ARHGAP6: variants seen among roughly 807,000 people sequenced by gnomAD.
ARHGAP6 encodes the protein Rho GTPase activating protein 6.
A neutral mutation model predicts 55.7 loss-of-function variants in ARHGAP6; 16 were observed. The ratio of observed to expected loss-of-function variants is 0.29; its 90% CI spans 0.19 to 0.44. ARHGAP6 has a LOEUF of 0.44. Ranked by LOEUF, ARHGAP6 falls within the 20% of genes least tolerant of loss-of-function variation. The pLI, the probability that ARHGAP6 is intolerant of heterozygous loss-of-function variation, is 1.00. For missense variants in ARHGAP6, 698 were observed against 808.9 expected (o/e 0.86, Z 1.66); for synonymous variants, 382 against 360.9 (o/e 1.06, Z -0.66).
chrX:11,145,727 T>C (rs897519532), intron 10 of ARHGAP6, among the ~76,000 whole-genome samples: 4 of 112,226 alleles, frequency 3.6e-5, no homozygotes, highest in African/African-American at 9.7e-5. Flanking sequence ...AAAATGAACA[T>C]GTGATGCCCC....
intron 11 of ARHGAP6, chrX:11,142,949 T>G (rs1174076088): frequency 8.9e-6 from 1 of 112,249 alleles, no homozygotes; most frequent in Non-Finnish European, 1.9e-5. Flanking sequence ...CTAAACACAT[T>G]AACACAGAAC....
chrX:11,419,646 C>T (rs1603196107), intron 1 of ARHGAP6, among the ~76,000 whole-genome samples: 1 of 111,957 alleles, frequency 8.9e-6, no homozygotes, highest in Non-Finnish European at 1.9e-5. Flanking sequence ...GGATTTGTGC[C>T]CATGTGGAGA....
chrX:11,487,927 G>T (rs1461373324), intron 1 of ARHGAP6, among the ~76,000 whole-genome samples: 1 of 112,383 alleles, frequency 8.9e-6, no homozygotes, highest in Non-Finnish European at 1.9e-5. Flanking sequence ...TAAAACTAGT[G>T]AGTGAAAGTT....
intron 1 of ARHGAP6, among the ~76,000 whole-genome samples, chrX:11,501,245 A>C (rs1213421897): frequency 9.0e-6 from 1 of 111,583 alleles, no homozygotes; most frequent in Non-Finnish European, 1.9e-5. Flanking sequence ...CACACCAGGA[A>C]ATTGAGACCA....
intron 1 of ARHGAP6, among the ~76,000 whole-genome samples, chrX:11,525,337 T>A (rs1387376514): frequency 1.8e-5 from 2 of 112,145 alleles, no homozygotes; most frequent in Non-Finnish European, 3.8e-5. Context: ...ATGCATGATC[T>A]CTTTCCAGGG....
intron 1 of ARHGAP6, among the ~76,000 whole-genome samples, chrX:11,303,366 C>A (rs886579530): frequency 1.8e-5 from 2 of 112,264 alleles, no homozygotes; most frequent in South Asian, 7.4e-4. Context: ...AAACACCTGA[C>A]TCTTCCAGAC....
intron 1 of ARHGAP6, among the ~76,000 whole-genome samples, chrX:11,522,107 A>C (rs1428217066): frequency 8.9e-6 from 1 of 111,901 alleles, no homozygotes; most frequent in Admixed American, 9.6e-5. Context: ...AACTACATGG[A>C]AACTGAACAA....
Position 11,139,182 on chromosome X carries a change from C to G in ARHGAP6, c.2606G>C (p.Arg869Thr), listed in dbSNP as rs201598459. ...LQSRATPQCQ[R>T]PHGSGRDDKR... is the part of the protein sequence containing the mutation. ...GTCATCCCTCCCACTCCCATGGGGT[C>G]TTTGGCACTGAGGTGTGGCCCGGCT... The change falls in exon 13 of 13, where the codon AGA becomes ACA. Residue 869 changes from arginine (R) to threonine (T), a missense_variant. Coordinates refer to ENST00000337414, the MANE Select transcript of ARHGAP6 (RefSeq NM_013427.3). The G allele has an allele frequency of 2.4e-4, 290 of 1,205,284 alleles. No individual in the cohort carries two copies. The highest frequency in any genetic ancestry group is 2.3e-4 in the Middle Eastern group (1 of 4,363).
At chrX:11,523,487 C>T (rs941766739) in intron 1 of ARHGAP6, among the ~76,000 whole-genome samples, 11 of 111,884 alleles carry the variant, frequency 9.8e-5, no homozygotes, top group Admixed American at 4.8e-4. Context: ...TAGAATATCC[C>T]ATCGTCTCAG....
intron 1 of ARHGAP6, among the ~76,000 whole-genome samples, chrX:11,448,896 T>C (rs2050118718): frequency 8.9e-6 from 1 of 111,957 alleles, no homozygotes; most frequent in Non-Finnish European, 1.9e-5. Context: ...CCATAAAGTA[T>C]GTTTCATTGA....
rs11416596 is a variant in ARHGAP6 at position 11,137,691 on chromosome X, G to GA, written c.*1171dup. The GA allele has an allele frequency of 0.21, 23,161 of 109,383 alleles. 1,901 individuals are homozygous for GA. Among genetic ancestry groups the GA allele is most frequent in the Middle Eastern group, 0.28 (60 of 214 alleles). The allele number at this position is 109,383 out of a possible 1,213,427, so 9.0% of individuals were successfully genotyped here. A position where few individuals can be genotyped will look rare whatever the true frequency, so the allele number is the denominator to read the frequency against. ...TATAATACACTTTCCCTTCAGAAGT[G>GA]AAAAAAAATTGCATAAAATACTGAA... is the stretch of plus-strand genomic sequence containing the variant. On this transcript the variant is annotated 3_prime_UTR_variant, in exon 13 of 13. Coordinates refer to ENST00000337414, the MANE Select transcript of ARHGAP6 (RefSeq NM_013427.3).
At chrX:11,179,510 C>T (rs1362911717) in intron 6 of ARHGAP6, 58 bp from the exon 7 acceptor site, 4 of 1,150,130 alleles carry the variant, frequency 3.5e-6, no homozygotes, top group Non-Finnish European at 4.7e-6. Flanking sequence ...ATGAGCAGTG[C>T]CCAGCAGGAG....
At chrX:11,506,768 C>G in intron 1 of ARHGAP6, among the ~76,000 whole-genome samples, 1 of 111,361 alleles carries the variant, frequency 9.0e-6, no homozygotes, top group Non-Finnish European at 1.9e-5. Flanking sequence ...AATGGGATGG[C>G]TGGGTCAAAT....
intron 1 of ARHGAP6, among the ~76,000 whole-genome samples, chrX:11,366,111 C>T (rs1214225722): frequency 1.8e-5 from 2 of 112,246 alleles, no homozygotes; most frequent in South Asian, 3.7e-4. Flanking sequence ...AAGGCCCTAC[C>T]TGCAAATAGC....
intron 1 of ARHGAP6, among the ~76,000 whole-genome samples, chrX:11,361,013 G>C (rs1331446383): frequency 5.7e-4 from 63 of 110,833 alleles, no homozygotes; most frequent in African/African-American, 1.6e-3. Flanking sequence ...AGGATACAAA[G>C]AAATGGAAGA....
At chrX:11,507,558 C>CA (rs758591610) in intron 1 of ARHGAP6, among the ~76,000 whole-genome samples, 35 of 111,632 alleles carry the variant, frequency 3.1e-4, no homozygotes, top group African/African-American at 1.1e-3. Context: ...TGTGAGTGCC[C>CA]ATGAGTCAGG....
chrX:11,528,301 C>T (rs952511907), intron 1 of ARHGAP6, among the ~76,000 whole-genome samples: 1 of 112,141 alleles, frequency 8.9e-6, no homozygotes. Context: ...ACCTATGGTG[C>T]TTTTCTGTGG....
chrX:11,200,236 C>A (rs906329115), intron 2 of ARHGAP6, among the ~76,000 whole-genome samples: 3 of 112,702 alleles, frequency 2.7e-5, no homozygotes, highest in Non-Finnish European at 3.7e-5. Flanking sequence ...GTCTTACAGA[C>A]AACAGTGACC....
chrX:11,567,892 G>A (rs923427695), intron 1 of ARHGAP6, among the ~76,000 whole-genome samples: 4 of 110,622 alleles, frequency 3.6e-5, no homozygotes, highest in Non-Finnish European at 7.6e-5. Flanking sequence ...TGCCCACGCT[G>A]GTCTCGAGCT....
Sources: allele counts gnomAD v4.1 joint callset (sites outside exome capture counted in the v4.1 genomes callset), GRCh38; gene constraint gnomAD v4.1.1; transcripts MANE v1.5; gene names NCBI Gene and HGNC (gene_info 2026-07-23, HGNC 2026-07-21).